Variants in LAMA3 observed in about 807,000 individuals in gnomAD.
LAMA3 encodes laminin subunit alpha-3.
A neutral mutation model predicts 402.0 loss-of-function variants in LAMA3; 281 were observed. The observed-to-expected ratio is 0.70, with a 90% CI of 0.63 to 0.77. LAMA3 has a LOEUF of 0.77. Among genes scored for constraint, LAMA3 ranks in the 30% least tolerant of loss-of-function variants. The pLI, the probability that LAMA3 is intolerant of heterozygous loss-of-function variation, is 0.00. For missense variants in LAMA3, 3,840 were observed against 4,215.5 expected (o/e 0.91, Z 2.47); for synonymous variants, 1,431 against 1,558.4 (o/e 0.92, Z 1.93).
chr18:23,922,529 G>A (rs1397378300), intron 62 of LAMA3, among the ~76,000 whole-genome samples: 1 of 152,222 alleles, frequency 6.6e-6, no homozygotes, highest in Non-Finnish European at 1.5e-5. Context: ...ATGCAAATGG[G>A]AAAGCTGGGC....
chr18:23,873,705 A>G (rs2064609606), intron 38 of LAMA3, among the ~76,000 whole-genome samples: 1 of 152,172 alleles, frequency 6.6e-6, no homozygotes, highest in Non-Finnish European at 1.5e-5. Flanking sequence ...CTCTCTTTAA[A>G]CTTCCTGGAT....
At chr18:23,750,340 C>T (rs1393928097) in intron 4 of LAMA3, among the ~76,000 whole-genome samples, 2 of 149,698 alleles carry the variant, frequency 1.3e-5, no homozygotes, top group African/African-American at 4.9e-5. Context: ...TATGCGGTAT[C>T]TTCTGACAGC....
At chr18:23,938,599 TGTTAGGGGA>T (rs1305011773) in intron 67 of LAMA3, among the ~76,000 whole-genome samples, 6 of 151,742 alleles carry the variant, frequency 4.0e-5, no homozygotes, top group Admixed American at 1.3e-4. Context: ...AGTGAATGGT[TGTTAGGGGA>T]GGTGGCCACA....
intron 70 of LAMA3, among the ~76,000 whole-genome samples, chr18:23,948,650 A>T (rs1420528173): frequency 6.6e-6 from 1 of 151,410 alleles, no homozygotes; most frequent in Non-Finnish European, 1.5e-5. Context: ...GCTCACTGCA[A>T]CCTCCGCCTC....
rs566826157 is a variant in LAMA3 at position 23,895,017 on chromosome 18, G to C, written c.5572G>C (p.Glu1858Gln). 5.0e-6 allele frequency: 8 copies of C among 1,611,266 alleles called. No homozygotes were observed. In the African/African-American group the frequency reaches 1.1e-4, roughly 21 times the overall value. The change falls in exon 44 of 75, where the codon GAG becomes CAG. Residue 1858 changes from glutamate to glutamine, a missense_variant. Around this residue, in one of 3 missense-constraint regions of LAMA3, gnomAD observed 891 missense variants for 857.5 expected, o/e 1.04. Coordinates refer to ENST00000313654, the MANE Select transcript of LAMA3 (RefSeq NM_198129.4). ...CCTGAGTGCCAGCGCAGGGCTTCTGGAGCAGATGAGGCACATGGAGACCCA... is the reference window on the plus strand; with the variant it reads ...CCTGAGTGCCAGCGCAGGGCTTCTGCAGCAGATGAGGCACATGGAGACCCA... ...QGLSASAGLL[E>Q]QMRHMETQAK...
At chr18:23,714,848 T>A (rs2061066541) in intron 2 of LAMA3, among the ~76,000 whole-genome samples, 1 of 152,176 alleles carries the variant, frequency 6.6e-6, no homozygotes, top group Non-Finnish European at 1.5e-5. Context: ...CTCCTGCCGC[T>A]CGCAGCCAAC....
At chr18:23,787,616 A>G (rs1413623778) in intron 12 of LAMA3, among the ~76,000 whole-genome samples, 1 of 152,228 alleles carries the variant, frequency 6.6e-6, no homozygotes, top group East Asian at 1.9e-4. Flanking sequence ...ACCAGTTAGA[A>G]TAACAACTGA....
intron 12 of LAMA3, among the ~76,000 whole-genome samples, chr18:23,806,313 A>C (rs2062961520): frequency 6.6e-6 from 1 of 152,206 alleles, no homozygotes; most frequent in Non-Finnish European, 1.5e-5. Context: ...CTGTCTGTTT[A>C]AATTGGAAAA....
At chr18:23,911,014 C>CGCAGAGACTCAG (rs1555735991) in intron 55 of LAMA3, among the ~76,000 whole-genome samples, 1 of 150,382 alleles carries the variant, frequency 6.6e-6, no homozygotes, top group African/African-American at 2.4e-5. Flanking sequence ...CCAGTTCTGT[C>CGCAGAGACTCAG]AGTCATGTTC....
At chr18:23,850,902 C>T (rs947722940) in intron 32 of LAMA3, among the ~76,000 whole-genome samples, 2 of 152,204 alleles carry the variant, frequency 1.3e-5, no homozygotes, top group African/African-American at 4.8e-5. Context: ...TCAGATTGAT[C>T]AAAGGAGATG....
rs954232986 is a variant in LAMA3, at chr18:23,951,781, T to C, written c.9736+4T>C. The C allele has an allele frequency of 6.2e-7, 1 of 1,607,482 alleles. No homozygotes were observed. The highest frequency in any genetic ancestry group is 1.3e-5 in the African/African-American group (1 of 74,772). On this transcript the variant is annotated splice_donor_region_variant and intron_variant, in intron 73 of 74. Coordinates refer to ENST00000313654, the MANE Select transcript of LAMA3 (RefSeq NM_198129.4). The stretch of plus-strand genomic sequence containing the variant: ...GGACAGTGGCACTCGGTGGCAGGTA[T>C]GTTGTCCAGTAGCTGATTGTTCATG...
chr18:23,733,670 G>C (rs1055008564), intron 2 of LAMA3, among the ~76,000 whole-genome samples: 6 of 152,192 alleles, frequency 3.9e-5, no homozygotes, highest in African/African-American at 1.4e-4. Flanking sequence ...AGATAAATCG[G>C]AGTTTATTGG....
chr18:23,782,616 G>A (rs1193693842), intron 11 of LAMA3, among the ~76,000 whole-genome samples: 1 of 152,010 alleles, frequency 6.6e-6, no homozygotes, highest in Non-Finnish European at 1.5e-5. Flanking sequence ...AGATTGATTT[G>A]AATATATATG....
Position 23,861,724 on chromosome 18 carries a change from A to C in LAMA3, c.4501A>C (p.Ser1501Arg). 2 of 1,614,188 alleles carry C rather than the reference A, an allele frequency of 1.2e-6. No homozygotes were observed. Among genetic ancestry groups the C allele is most frequent in the Non-Finnish European group, 1.7e-6 (2 of 1,180,016 alleles). ...TGTCTCTTTCAACCCAGGCAGCAAC[A>C]GTATGGTGGCGGATCTCCAGGAGCT... ...IPVSFNPGSN[S>R]MVADLQELPA... is the part of the protein sequence containing the mutation. The change falls in exon 35 of 75, where the codon AGT (serine) becomes CGT (arginine). Residue 1501 changes from serine to arginine, a missense_variant. Ser to Arg is a moderately radical substitution (Grantham distance 110, BLOSUM62 -1). This residue lies in a region of LAMA3 where 2,109 missense variants were observed against 2,376.0 expected (regional missense o/e 0.89). Transcript: ENST00000313654.
At chr18:23,775,039 A>G (rs2062283295) in intron 9 of LAMA3, among the ~76,000 whole-genome samples, 2 of 152,188 alleles carry the variant, frequency 1.3e-5, no homozygotes, top group African/African-American at 2.4e-5. Context: ...GATCAGTAGG[A>G]CACATGAATC....
At position 23,901,140 on chromosome 18, in the gene LAMA3, A is replaced by G. The variant is rs1320505794; in HGVS notation, c.6018A>G (p.Ile2006Met). The G allele has an allele frequency of 6.2e-6, 10 of 1,613,988 alleles. No individual in the cohort carries two copies. Among genetic ancestry groups the G allele is most frequent in the Non-Finnish European group, 8.5e-6 (10 of 1,179,808 alleles). ...KRESQLLLNR[I>M]RTWQKTHQGE... is the part of the protein sequence containing the mutation. Reference sequence around the variant, plus strand: ...GATGTATTACAGTGCTGAACCGGATAAGGACCTGGCAGAAAACCCACCAGG... The same window carrying G: ...GATGTATTACAGTGCTGAACCGGATGAGGACCTGGCAGAAAACCCACCAGG... The change falls in exon 48 of 75, where the codon ATA (isoleucine) becomes ATG (methionine). Residue 2006 changes from isoleucine to methionine, a missense_variant. By Grantham distance (10) the Ile-to-Met change is conservative. Coordinates refer to ENST00000313654, the MANE Select transcript of LAMA3 (RefSeq NM_198129.4).
Position 23,932,257 on chromosome 18 carries a change from T to A in LAMA3, c.8674T>A (p.Phe2892Ile). 6.2e-7 allele frequency: 1 copy of A among 1,614,066 alleles called. No homozygotes were observed. Among genetic ancestry groups the A allele is most frequent in the Non-Finnish European group, 8.5e-7 (1 of 1,179,916 alleles). The change falls in exon 66 of 75, where the codon TTT (phenylalanine) becomes ATT (isoleucine). Residue 2892 changes from phenylalanine to isoleucine, a missense_variant. Physicochemically the swap from Phe to Ile is conservative, Grantham distance 21. This residue lies in a region of LAMA3 where 840 missense variants were observed against 981.9 expected (regional missense o/e 0.86). Transcript: ENST00000313654. ...RQSLRLGGSN[F>I]EGCISNVFVQ... is the part of the protein sequence containing the mutation. ...GTCTCTGCGTCTGGGCGGGAGCAAT[T>A]TTGAGGGTTGTATTAGCAATGTTTT...
At chr18:23,824,198 C>G (rs2063338140) in intron 20 of LAMA3, among the ~76,000 whole-genome samples, 1 of 152,024 alleles carries the variant, frequency 6.6e-6, no homozygotes, top group Non-Finnish European at 1.5e-5. Context: ...ATTCATAATC[C>G]CAGTGTAGAT....
chr18:23,946,322 T>C (rs1159449869), intron 70 of LAMA3, 38 bp downstream of exon 70: 1 of 1,596,298 alleles, frequency 6.3e-7, no homozygotes, highest in Non-Finnish European at 8.6e-7. Flanking sequence ...CAGAAACAAT[T>C]CACCTTATAT....
Sources: gnomAD v4.1 joint callset for allele counts (sites outside exome capture counted in the v4.1 genomes callset) on GRCh38, gnomAD v4.1.1 for gene constraint, gnomAD v4.1.1 regional missense constraint, MANE v1.5 for transcripts, NCBI Gene and HGNC (gene_info 2026-07-23, HGNC 2026-07-21) for gene names.